The following YAF2 variants were observed in gnomAD, a reference collection of about 807,000 sequenced individuals.
The protein encoded by YAF2 is YY1 associated factor 2.
In YAF2, 7 loss-of-function variants were observed where a neutral mutation model predicts 20.1. The ratio of observed to expected loss-of-function variants is 0.35; its 90% CI spans 0.20 to 0.65. The LOEUF (loss-of-function observed/expected upper bound fraction) is 0.65. YAF2 is among the 30% of genes least tolerant of loss of function. The pLI is 0.69. For missense variants in YAF2, 151 were observed against 219.2 expected (o/e 0.69, Z 1.96); for synonymous variants, 74 against 76.0 (o/e 0.97, Z 0.14).
intron 2 of YAF2, among the ~76,000 whole-genome samples, chr12:42,206,522 T>A (rs1013650497): frequency 6.6e-6 from 1 of 151,250 alleles, no homozygotes; most frequent in African/African-American, 2.4e-5. Context: ...GGCTGGAGAA[T>A]CGCTTGAACC....
chr12:42,228,501 T>C (rs866041946), intron 2 of YAF2, among the ~76,000 whole-genome samples: 27 of 26,122 alleles, frequency 1.0e-3, no homozygotes, highest in Non-Finnish European at 1.1e-3. Context: ...CCCCCCCGCC[T>C]GGCCAGCCGC....
Position 42,184,875 on chromosome 12 carries a change from T to C in YAF2, c.153-23110A>G, listed in dbSNP as rs1286839927. ...GAAGTAACAGCAGATGTGGTAGAAATAGCAAGAGAACTAGAATTAGGCCGG... is the reference window on the plus strand; with the variant it reads ...GAAGTAACAGCAGATGTGGTAGAAACAGCAAGAGAACTAGAATTAGGCCGG... On this transcript the variant is annotated intron_variant, in intron 2 of 3. Transcript: ENST00000534854. 2.6e-5 allele frequency among the ~76,000 whole-genome samples: 4 copies of C among 152,170 alleles called. No homozygotes were observed. In the South Asian group the frequency reaches 8.3e-4, roughly 32 times the overall value.
chr12:42,196,009 G>C (rs1432051162), intron 2 of YAF2, among the ~76,000 whole-genome samples: 1 of 151,904 alleles, frequency 6.6e-6, no homozygotes, highest in Non-Finnish European at 1.5e-5. Context: ...ATCACCTGAG[G>C]TCAGGAGTTG....
At chr12:42,235,998 CTG>C in intron 2 of YAF2, 1 of 1,536,050 alleles carries the variant, frequency 6.5e-7, no homozygotes, top group Non-Finnish European at 8.7e-7. Context: ...CTTGCTGTCC[CTG>C]CAAATAAACA....
intron 2 of YAF2, among the ~76,000 whole-genome samples, chr12:42,217,414 T>C (rs1381003367): frequency 2.0e-5 from 3 of 152,096 alleles, no homozygotes; most frequent in African/African-American, 7.2e-5. Context: ...CACTAACATA[T>C]TCCATCTAAC....
At chr12:42,223,974 G>A (rs998785185) in intron 2 of YAF2, among the ~76,000 whole-genome samples, 8 of 152,038 alleles carry the variant, frequency 5.3e-5, no homozygotes, top group Non-Finnish European at 8.8e-5. Context: ...GCAAACCACC[G>A]TGGCACATGT....
At chr12:42,233,368 T>TA in intron 2 of YAF2, 1 of 985,270 alleles carries the variant, frequency 1.0e-6, no homozygotes, top group Non-Finnish European at 1.2e-6. Context: ...AAATATTTGC[T>TA]ATCTGAATTA....
intron 2 of YAF2, among the ~76,000 whole-genome samples, chr12:42,197,234 C>T (rs1293885341): frequency 1.3e-5 from 2 of 152,156 alleles, no homozygotes; most frequent in Non-Finnish European, 2.9e-5. Context: ...CACGTGCTGC[C>T]CAGTGTTCTT....
At chr12:42,224,711 C>T (rs572079912) in intron 2 of YAF2, among the ~76,000 whole-genome samples, 92 of 152,180 alleles carry the variant, frequency 6.0e-4, no homozygotes, top group African/African-American at 1.8e-3. Context: ...ATGAACTCAT[C>T]CTTTTTACAG....
At chr12:42,180,169 T>G (rs539742174) in intron 2 of YAF2, among the ~76,000 whole-genome samples, 2 of 152,280 alleles carry the variant, frequency 1.3e-5, no homozygotes, top group Non-Finnish European at 2.9e-5. Context: ...CTTCCCTACA[T>G]GTGGGCTGGA....
At chr12:42,201,971 T>C (rs955438037) in intron 2 of YAF2, among the ~76,000 whole-genome samples, 1 of 152,232 alleles carries the variant, frequency 6.6e-6, no homozygotes, top group Non-Finnish European at 1.5e-5. Flanking sequence ...TTTTCCTGAC[T>C]TGTTAAAGAT....
chr12:42,196,570 C>G (rs533113136), intron 2 of YAF2, among the ~76,000 whole-genome samples: 2 of 152,212 alleles, frequency 1.3e-5, no homozygotes, highest in Admixed American at 1.3e-4. Flanking sequence ...GTTGAATTAT[C>G]TACAGAGACT....
At chr12:42,201,978 A>G (rs924593887) in intron 2 of YAF2, among the ~76,000 whole-genome samples, 5 of 152,226 alleles carry the variant, frequency 3.3e-5, no homozygotes, top group Non-Finnish European at 5.9e-5. Flanking sequence ...GACTTGTTAA[A>G]GATCTTCCAT....
intron 2 of YAF2, among the ~76,000 whole-genome samples, chr12:42,171,967 C>CA (rs1269644240): frequency 3.3e-5 from 5 of 151,852 alleles, no homozygotes; most frequent in Non-Finnish European, 7.4e-5. Flanking sequence ...CTGTCTCAAA[C>CA]AAAAAAAGAG....
At chr12:42,212,370 T>C (rs1243348211) in intron 2 of YAF2, 2 of 362,926 alleles carry the variant, frequency 5.5e-6, no homozygotes, top group Non-Finnish European at 1.1e-5. Context: ...CTTCTAACAC[T>C]AGTAACTACA....
intron 2 of YAF2, among the ~76,000 whole-genome samples, chr12:42,227,192 A>T (rs1264938841): frequency 6.9e-6 from 1 of 144,042 alleles, no homozygotes; most frequent in Non-Finnish European, 1.5e-5. Context: ...ACGGGGCCCG[A>T]GGGCAAGGAG....
At chr12:42,161,864 A>G in intron 2 of YAF2, 99 bp from the exon 3 acceptor site, 1 of 1,087,158 alleles carries the variant, frequency 9.2e-7, no homozygotes, top group Non-Finnish European at 1.3e-6. Flanking sequence ...GTTAATAACA[A>G]TAACTTTCAA....
chr12:42,205,560 A>T (rs1405425876), intron 2 of YAF2, among the ~76,000 whole-genome samples: 1 of 152,090 alleles, frequency 6.6e-6, no homozygotes, highest in African/African-American at 2.4e-5. Context: ...TTTTTAGTAG[A>T]GACAGGCTTT....
intron 2 of YAF2, chr12:42,232,809 T>G: frequency 1.0e-6 from 1 of 985,438 alleles, no homozygotes; most frequent in African/African-American, 1.7e-5. Context: ...AGCTTACTTT[T>G]AAAAGAAGCT....
Sources: allele counts gnomAD v4.1 joint callset (sites outside exome capture counted in the v4.1 genomes callset), GRCh38; gene constraint gnomAD v4.1.1; transcripts MANE v1.5; gene names NCBI Gene and HGNC (gene_info 2026-07-23, HGNC 2026-07-21).